Variants in KCNN3 observed in about 807,000 individuals in gnomAD.
KCNN3 encodes small conductance calcium-activated potassium channel protein 3.
In KCNN3, 16 loss-of-function variants were observed where a neutral mutation model predicts 62.9. The observed-to-expected ratio is 0.25, with a 90% CI of 0.17 to 0.39. The LOEUF (loss-of-function observed/expected upper bound fraction) is 0.39, where lower values mean the gene tolerates loss of function less well. KCNN3 is among the 10% of genes least tolerant of loss of function. KCNN3 has a pLI of 1.00. For synonymous variants in KCNN3, 370 were observed against 389.2 expected (o/e 0.95, Z 0.58); for missense variants, 599 against 949.4 (o/e 0.63, Z 4.85).
intron 3 of KCNN3, among the ~76,000 whole-genome samples, chr1:154,752,889 G>A (rs994422592): frequency 1.3e-4 from 20 of 152,086 alleles, no homozygotes; most frequent in Admixed American, 9.2e-4. Context: ...CTCCTCCCTC[G>A]GCCTGTGGTC....
At chr1:154,854,344 G>A (rs961046863) in intron 1 of KCNN3, among the ~76,000 whole-genome samples, 9 of 152,162 alleles carry the variant, frequency 5.9e-5, no homozygotes, top group African/African-American at 2.2e-4. Flanking sequence ...AATTGTGATT[G>A]TTATTGATGA....
chr1:154,823,682 A>T (rs1474486101), intron 1 of KCNN3, among the ~76,000 whole-genome samples: 1 of 152,230 alleles, frequency 6.6e-6, no homozygotes, highest in Non-Finnish European at 1.5e-5. Flanking sequence ...CAACAAGGTA[A>T]GGTAGAGTAT....
chr1:154,802,095 C>G (rs1286368347), intron 2 of KCNN3, among the ~76,000 whole-genome samples: 1 of 152,224 alleles, frequency 6.6e-6, no homozygotes, highest in East Asian at 1.9e-4. Flanking sequence ...AATTCCTACC[C>G]TGTACCACTG....
chr1:154,837,833 C>G (rs1024005791), intron 1 of KCNN3, among the ~76,000 whole-genome samples: 2 of 152,316 alleles, frequency 1.3e-5, no homozygotes, highest in African/African-American at 4.8e-5. Flanking sequence ...CACGTGGGGG[C>G]CAGGTGGGTG....
chr1:154,766,917 G>A (rs1000095022), intron 3 of KCNN3, among the ~76,000 whole-genome samples: 10 of 152,038 alleles, frequency 6.6e-5, no homozygotes, highest in Non-Finnish European at 1.5e-4. Context: ...TCCTGACCTC[G>A]TGATCTGCCC....
chr1:154,766,434 A>ATATATAT lies in KCNN3; in HGVS notation c.1448+5534_1448+5540dup, dbSNP rs1481998294. Among the ~76,000 whole-genome samples, 7 of 125,712 alleles carry ATATATAT rather than the reference A, an allele frequency of 5.6e-5. No homozygotes were observed. The South Asian group carries it at 1.3e-3, about 23-fold the overall frequency. The allele number at this position is 125,712 out of a possible 152,430, so 82.5% of individuals were successfully genotyped here. A position where few individuals can be genotyped will look rare whatever the true frequency, so the allele number is the denominator to read the frequency against. On this transcript the variant is annotated intron_variant, in intron 3 of 7. Coordinates refer to ENST00000271915, the MANE Select transcript of KCNN3 (RefSeq NM_002249.6). ...CCAGGCTTTATATATATATATATAT[A>ATATATAT]TATATATATGTAGAAGTTCTGATCA...
intron 5 of KCNN3, among the ~76,000 whole-genome samples, chr1:154,717,578 C>A (rs1700257606): frequency 6.6e-6 from 1 of 151,626 alleles, no homozygotes; most frequent in Admixed American, 6.6e-5. Flanking sequence ...TCATCATGGC[C>A]CTCACTTAGC....
intron 1 of KCNN3, chr1:154,859,895 G>A: frequency 6.9e-7 from 1 of 1,441,120 alleles, no homozygotes; most frequent in Non-Finnish European, 9.3e-7. Context: ...TGCCCAACAA[G>A]CTGACTCAAA....
At chr1:154,744,925 C>CAAA (rs5777930) in intron 3 of KCNN3, among the ~76,000 whole-genome samples, 1,383 of 132,408 alleles carry the variant, frequency 0.01, 17 homozygotes, top group African/African-American at 0.031. Context: ...CACATTAAGG[C>CAAA]AAAAAAAAAA....
chr1:154,834,370 G>T (rs1443153382), intron 1 of KCNN3, among the ~76,000 whole-genome samples: 1 of 152,240 alleles, frequency 6.6e-6, no homozygotes, highest in Non-Finnish European at 1.5e-5. Context: ...CTCCTTGGGT[G>T]CTGGTCCTGC....
Position 154,702,507 on chromosome 1 carries a change from C to T in KCNN3, c.*5469G>A, listed in dbSNP as rs916680137. 1 of 150,744 alleles carries T rather than the reference C, an allele frequency of 6.6e-6. No homozygotes were observed. The highest frequency in any genetic ancestry group is 1.5e-5 in the Non-Finnish European group (1 of 67,754). 9.3% of individuals were successfully genotyped at this position (150,744 alleles called of 1,614,324 possible). A position where few individuals can be genotyped will look rare whatever the true frequency, so the allele number is the denominator to read the frequency against. On this transcript the variant is annotated 3_prime_UTR_variant, in exon 8 of 8. Transcript: ENST00000271915. ...AACATCCTGTCATTCTCTTGTTGTTCTCGTGGCCAGTGCAGAATGGAGAGT... is the reference window on the plus strand; with the variant it reads ...AACATCCTGTCATTCTCTTGTTGTTTTCGTGGCCAGTGCAGAATGGAGAGT...
Position 154,772,980 on chromosome 1 carries a change from A to G in KCNN3, c.1030-587T>C, listed in dbSNP as rs568985369. On this transcript the variant is annotated intron_variant, in intron 2 of 7. Coordinates refer to ENST00000271915, the MANE Select transcript of KCNN3 (RefSeq NM_002249.6). The surrounding 1 kb of genome is among the most constrained non-coding windows in gnomAD (Gnocchi z 5.6). The stretch of plus-strand genomic sequence containing the variant: ...TATGTCGGTGTAATGAAACCTCCAC[A>G]AAATCCCAAAAAGACAGTGTTTTGT... Among the ~76,000 whole-genome samples, 62 of 152,180 alleles carry G rather than the reference A, an allele frequency of 4.1e-4. No individual in the cohort carries two copies. Among genetic ancestry groups the G allele is most frequent in the Non-Finnish European group, 7.9e-4 (54 of 68,028 alleles).
At chr1:154,830,659 G>A (rs1179496652) in intron 1 of KCNN3, among the ~76,000 whole-genome samples, 1 of 152,208 alleles carries the variant, frequency 6.6e-6, no homozygotes, top group Non-Finnish European at 1.5e-5. Flanking sequence ...TCTCTACGTT[G>A]CCACTCCCAG....
rs1483016533 is a variant in KCNN3, at chr1:154,732,942, G to T, written c.1590+61C>A. ...TAGGAAGGCCCCTATGTGCTTGCAA[G>T]AAAGAGTTCAGCTCTTTGCCACATT... On this transcript the variant is annotated intron_variant, in intron 4 of 7. Transcript: ENST00000271915. 5 of 1,594,796 alleles carry T rather than the reference G, an allele frequency of 3.1e-6. No individual in the cohort carries two copies. In the African/African-American group the frequency reaches 6.7e-5, roughly 21 times the overall value.
intron 1 of KCNN3, among the ~76,000 whole-genome samples, chr1:154,829,301 G>A (rs766617216): frequency 1.3e-5 from 2 of 152,210 alleles, no homozygotes; most frequent in African/African-American, 4.8e-5. Flanking sequence ...GTTCCTTTGC[G>A]CTCGAGTGAC....
At chr1:154,773,053 T>C (rs988391418) in intron 2 of KCNN3, among the ~76,000 whole-genome samples, 4 of 152,132 alleles carry the variant, frequency 2.6e-5, no homozygotes, top group Non-Finnish European at 5.9e-5. Context: ...ATGTGCAAGT[T>C]TGCTATATAG....
At chr1:154,837,103 C>G (rs77328013) in intron 1 of KCNN3, among the ~76,000 whole-genome samples, 1 of 141,476 alleles carries the variant, frequency 7.1e-6, no homozygotes, top group Admixed American at 6.9e-5. Context: ...ATTGTTTAAG[C>G]CTTTTTTTTT....
At chr1:154,843,584 C>T (rs1558003637) in intron 1 of KCNN3, among the ~76,000 whole-genome samples, 1 of 152,148 alleles carries the variant, frequency 6.6e-6, no homozygotes. Flanking sequence ...AATCTGAAGT[C>T]CCAAGGTTAG....
Position 154,870,100 on chromosome 1 carries a change from C to T in KCNN3, c.-136G>A. 1 of 1,055,900 alleles carries T rather than the reference C, an allele frequency of 9.5e-7. No individual in the cohort carries two copies. The highest frequency in any genetic ancestry group is 1.4e-6 in the Non-Finnish European group (1 of 696,096). 65.4% of individuals were successfully genotyped at this position (1,055,900 alleles called of 1,614,324 possible). A position where few individuals can be genotyped will look rare whatever the true frequency, so the allele number is the denominator to read the frequency against. ...TGGCTCCAGTCCTCTCTTTGGCTTG[C>T]TTCGGTTCTCTGGGGCTGCCTGGAG... On this transcript the variant is annotated 5_prime_UTR_variant, in exon 1 of 8. Transcript: ENST00000271915.
Sources: gnomAD v4.1 joint callset for allele counts (sites outside exome capture counted in the v4.1 genomes callset) on GRCh38, gnomAD v4.1.1 for gene constraint, Gnocchi (gnomAD v3.1) non-coding constraint, MANE v1.5 for transcripts, NCBI Gene and HGNC (gene_info 2026-07-23, HGNC 2026-07-21) for gene names.